Variants in LRP1B observed in about 807,000 individuals in gnomAD.
The protein encoded by LRP1B is low-density lipoprotein receptor-related protein 1B.
Under a neutral mutation model 556.6 loss-of-function variants are expected in LRP1B, and 217 were observed. That is an observed-to-expected ratio of 0.39 (90% CI 0.35 to 0.44). The LOEUF is 0.44. Ranked by LOEUF, LRP1B falls within the 20% of genes least tolerant of loss-of-function variation. The pLI is 1.00. For missense variants in LRP1B, 5,053 were observed against 5,620.8 expected (o/e 0.90, Z 3.23); for synonymous variants, 2,047 against 1,865.8 (o/e 1.10, Z -2.50).
intron 30 of LRP1B, 25 bp downstream of exon 30, chr2:140,840,893 C>A: frequency 7.1e-7 from 1 of 1,405,684 alleles, no homozygotes; most frequent in South Asian, 1.3e-5. Flanking sequence ...TTTGGAAAAA[C>A]TTTAAAAAAA....
intron 1 of LRP1B, among the ~76,000 whole-genome samples, chr2:141,942,509 A>AAAAC (rs1558976318): frequency 2.0e-5 from 3 of 151,940 alleles, no homozygotes; most frequent in African/African-American, 7.3e-5. Context: ...CAAAACAAAA[A>AAAAC]AAAAAACAAA....
rs538172558 is a variant in LRP1B at position 140,988,824 on chromosome 2, AAT to A, written c.2770+706_2770+707del. Among the ~76,000 whole-genome samples, 570 of 152,272 alleles carry A rather than the reference AAT, an allele frequency of 3.7e-3. 6 individuals are homozygous for A. Among genetic ancestry groups the A allele is most frequent in the African/African-American group, 0.013 (540 of 41,558 alleles). On this transcript the variant is annotated intron_variant, in intron 17 of 90. Coordinates refer to ENST00000389484, the MANE Select transcript of LRP1B (RefSeq NM_018557.3). ...AAAATCAGTTTTTATGAATCATATC[AAT>A]ATGAGTCATCAAATGAACTATTTTT... is the stretch of plus-strand genomic sequence containing the variant.
intron 2 of LRP1B, among the ~76,000 whole-genome samples, chr2:141,598,994 C>T (rs1239850516): frequency 1.4e-5 from 2 of 143,512 alleles, no homozygotes; most frequent in Non-Finnish European, 3.0e-5. Context: ...AAAAGGAAGC[C>T]AAGTCTATAA....
intron 1 of LRP1B, among the ~76,000 whole-genome samples, chr2:142,103,216 C>A (rs1025563118): frequency 1.3e-5 from 2 of 151,904 alleles, no homozygotes; most frequent in Non-Finnish European, 2.9e-5. Flanking sequence ...TTAAAATAAT[C>A]ATGCAAATTA....
chr2:140,503,719 A>G (rs7421282), intron 53 of LRP1B, among the ~76,000 whole-genome samples: 1 of 152,232 alleles, frequency 6.6e-6, no homozygotes, highest in Admixed American at 6.5e-5. Flanking sequence ...GCCTATTTGT[A>G]AATACAACTT....
intron 3 of LRP1B, among the ~76,000 whole-genome samples, chr2:141,256,008 TA>T (rs888092419): frequency 6.6e-6 from 1 of 151,966 alleles, no homozygotes; most frequent in Middle Eastern, 3.4e-3. Context: ...CAAAATTCAT[TA>T]AAAAAATTAC....
chr2:141,576,690 G>C (rs1003715711), intron 2 of LRP1B, among the ~76,000 whole-genome samples: 4 of 150,528 alleles, frequency 2.7e-5, no homozygotes, highest in African/African-American at 9.8e-5. Flanking sequence ...GGAAATCAAG[G>C]CTGCAGTGAG....
intron 5 of LRP1B, among the ~76,000 whole-genome samples, chr2:141,240,469 A>G (rs1386047825): frequency 6.6e-6 from 1 of 152,116 alleles, no homozygotes; most frequent in Non-Finnish European, 1.5e-5. Context: ...GTAAAGCAAC[A>G]GAAAAATTAT....
intron 2 of LRP1B, among the ~76,000 whole-genome samples, chr2:141,481,603 T>C (rs750550949): frequency 2.6e-5 from 4 of 152,206 alleles, no homozygotes; most frequent in Non-Finnish European, 4.4e-5. Context: ...CGTAGGGTTG[T>C]TGTGAATGTC....
chr2:141,837,811 A>G (rs1697335952), intron 1 of LRP1B, among the ~76,000 whole-genome samples: 1 of 152,172 alleles, frequency 6.6e-6, no homozygotes, highest in African/African-American at 2.4e-5. Context: ...ATAGACTATT[A>G]AACTTCACCA....
chr2:140,400,124 G>T (rs76044549), intron 66 of LRP1B, among the ~76,000 whole-genome samples: 2,248 of 151,286 alleles, frequency 0.015, 52 homozygotes, highest in African/African-American at 0.052. Context: ...TGAAATATAT[G>T]ATGTCAGTGC....
chr2:140,638,233 A>T (rs1187011415), intron 41 of LRP1B, among the ~76,000 whole-genome samples: 1 of 152,208 alleles, frequency 6.6e-6, no homozygotes. Context: ...GAGCTGAGGT[A>T]TGATGTAGTT....
intron 10 of LRP1B, among the ~76,000 whole-genome samples, chr2:141,054,752 A>G (rs2105454728): frequency 6.6e-6 from 1 of 152,112 alleles, no homozygotes; most frequent in East Asian, 2.0e-4. Context: ...AACAAGCAAC[A>G]TGCCTATTAT....
intron 3 of LRP1B, among the ~76,000 whole-genome samples, chr2:141,291,426 A>C (rs1381159715): frequency 6.6e-6 from 1 of 152,142 alleles, no homozygotes; most frequent in African/African-American, 2.4e-5. Flanking sequence ...AAATTTAGAA[A>C]ATTTCTGCTT....
intron 21 of LRP1B, among the ~76,000 whole-genome samples, chr2:140,920,247 T>C (rs1351287614): frequency 1.3e-5 from 2 of 152,022 alleles, no homozygotes; most frequent in Non-Finnish European, 2.9e-5. Context: ...TGGTCAAAAA[T>C]AGGTCCTTTG....
intron 83 of LRP1B, among the ~76,000 whole-genome samples, chr2:140,311,677 A>T (rs537500714): frequency 6.6e-6 from 1 of 152,060 alleles, no homozygotes; most frequent in African/African-American, 2.4e-5. Context: ...CAAATAAAAA[A>T]AGCCCAAAAA....
At chr2:140,619,762 C>T (rs1180146599) in intron 41 of LRP1B, among the ~76,000 whole-genome samples, 2 of 152,018 alleles carry the variant, frequency 1.3e-5, no homozygotes, top group East Asian at 1.9e-4. Context: ...GTGTACAATA[C>T]ATTATAACAA....
At chr2:141,632,805 T>C (rs1401404974) in intron 2 of LRP1B, among the ~76,000 whole-genome samples, 1 of 150,824 alleles carries the variant, frequency 6.6e-6, no homozygotes, top group Non-Finnish European at 1.5e-5. Context: ...CCAATTAGTC[T>C]GAATCATGAA....
At chr2:140,877,118 CT>C (rs1693333499) in intron 25 of LRP1B, among the ~76,000 whole-genome samples, 1 of 151,698 alleles carries the variant, frequency 6.6e-6, no homozygotes, top group Non-Finnish European at 1.5e-5. Flanking sequence ...CTAAGCTGTG[CT>C]TTTGTAAAGC....
Sources: gnomAD v4.1 joint callset for allele counts (sites outside exome capture counted in the v4.1 genomes callset) on GRCh38, gnomAD v4.1.1 for gene constraint, MANE v1.5 for transcripts, NCBI Gene and HGNC (gene_info 2026-07-23, HGNC 2026-07-21) for gene names.